SLC9A9: variants seen among roughly 807,000 people sequenced by gnomAD.
The protein encoded by SLC9A9 is sodium/hydrogen exchanger 9.
SLC9A9 carries 62 observed loss-of-function variants against 77.8 expected under a neutral mutation model. The observed-to-expected ratio is 0.80, with a 90% CI of 0.65 to 0.98. The LOEUF is 0.98. Among genes scored for constraint, SLC9A9 ranks in the 50% least tolerant of loss-of-function variants. The probability of loss-of-function intolerance (pLI) is 0.00; values close to 1 mark genes in which losing one functional copy is unlikely to be tolerated. For synonymous variants in SLC9A9, 320 were observed against 283.5 expected (o/e 1.13, Z -1.29); for missense variants, 775 against 774.9 (o/e 1.00, Z 0.00).
At chr3:143,823,107 T>C (rs1344515253) in intron 2 of SLC9A9, among the ~76,000 whole-genome samples, 1 of 152,168 alleles carries the variant, frequency 6.6e-6, no homozygotes, top group African/African-American at 2.4e-5. Context: ...CCTGGTTACA[T>C]CATCCATTCA....
At chr3:143,614,755 C>A (rs2038076805) in intron 6 of SLC9A9, among the ~76,000 whole-genome samples, 1 of 152,136 alleles carries the variant, frequency 6.6e-6, no homozygotes, top group Non-Finnish European at 1.5e-5. Flanking sequence ...TTTATGGTAA[C>A]CTTTTATGTA....
chr3:143,786,004 G>A (rs112762752), intron 4 of SLC9A9, among the ~76,000 whole-genome samples: 2 of 151,328 alleles, frequency 1.3e-5, no homozygotes, highest in East Asian at 3.9e-4. Context: ...CTACAGGCAC[G>A]CGCCACCATG....
At chr3:143,528,273 G>A (rs1459177215) in intron 9 of SLC9A9, among the ~76,000 whole-genome samples, 7 of 152,206 alleles carry the variant, frequency 4.6e-5, no homozygotes, top group Admixed American at 4.6e-4. Flanking sequence ...CAAAATGGAG[G>A]TAAGAATTAT....
intron 5 of SLC9A9, among the ~76,000 whole-genome samples, chr3:143,672,692 C>A (rs2039177561): frequency 6.6e-6 from 1 of 152,064 alleles, no homozygotes; most frequent in African/African-American, 2.4e-5. Context: ...GTGCAAATAA[C>A]AGAGAAGGAT....
intron 6 of SLC9A9, among the ~76,000 whole-genome samples, chr3:143,594,217 A>T (rs2108680978): frequency 6.6e-6 from 1 of 152,338 alleles, no homozygotes; most frequent in East Asian, 1.9e-4. Flanking sequence ...CTGAGTGATC[A>T]CCATGTGCAA....
At chr3:143,638,811 C>T (rs959406997) in intron 6 of SLC9A9, among the ~76,000 whole-genome samples, 5 of 152,200 alleles carry the variant, frequency 3.3e-5, no homozygotes, top group Non-Finnish European at 7.3e-5. Context: ...AATCAGATTC[C>T]CTAAGCATCC....
chr3:143,637,680 C>A (rs372822866), intron 6 of SLC9A9, among the ~76,000 whole-genome samples: 23 of 152,076 alleles, frequency 1.5e-4, no homozygotes, highest in African/African-American at 5.6e-4. Context: ...AAAATCTCAA[C>A]AGGTTTTTAT....
intron 5 of SLC9A9, among the ~76,000 whole-genome samples, chr3:143,667,335 A>T (rs1021626457): frequency 2.6e-5 from 4 of 152,236 alleles, no homozygotes; most frequent in African/African-American, 9.6e-5. Flanking sequence ...TTAATTCAAG[A>T]TGGATTAAAG....
intron 4 of SLC9A9, among the ~76,000 whole-genome samples, chr3:143,707,008 G>A (rs184205023): frequency 6.6e-6 from 1 of 152,266 alleles, no homozygotes; most frequent in Admixed American, 6.5e-5. Context: ...GGGGCAGTAG[G>A]AAGATGGAGA....
At chr3:143,454,318 C>T (rs2035052924) in intron 12 of SLC9A9, among the ~76,000 whole-genome samples, 1 of 152,136 alleles carries the variant, frequency 6.6e-6, no homozygotes, top group Non-Finnish European at 1.5e-5. Flanking sequence ...ATTCTCTGAA[C>T]AGTGTTTTGG....
At position 143,814,537 on chromosome 3, in the gene SLC9A9, C is replaced by A. The variant is rs1019216168; in HGVS notation, c.378+17482G>T. On this transcript the variant is annotated intron_variant, in intron 2 of 15. Transcript: ENST00000316549. ...GAGAAGGAGCTGCCACTCCTTCATG[C>A]AGGGCTGCCAGGTTTAGCAATCCAA... is the stretch of plus-strand genomic sequence containing the variant. Among the ~76,000 whole-genome samples, 4 of 152,132 alleles carry A rather than the reference C, an allele frequency of 2.6e-5. 1 individual carries two copies. The South Asian group carries it at 8.3e-4, about 31-fold the overall frequency.
intron 2 of SLC9A9, among the ~76,000 whole-genome samples, chr3:143,819,226 T>C (rs1349266116): frequency 6.6e-6 from 1 of 152,176 alleles, no homozygotes; most frequent in African/African-American, 2.4e-5. Flanking sequence ...TAGAATACCA[T>C]AAAGCTATAA....
intron 12 of SLC9A9, among the ~76,000 whole-genome samples, chr3:143,419,987 A>G (rs897957219): frequency 1.3e-5 from 2 of 152,150 alleles, no homozygotes; most frequent in East Asian, 3.8e-4. Flanking sequence ...TAAAAGTGAT[A>G]TTCTGAGTTC....
intron 2 of SLC9A9, among the ~76,000 whole-genome samples, chr3:143,803,975 A>C (rs2008640359): frequency 6.6e-6 from 1 of 152,166 alleles, no homozygotes; most frequent in East Asian, 1.9e-4. Context: ...ACTTACTTAA[A>C]AAACCTTTCT....
chr3:143,704,591 GA>G (rs1177988184), intron 4 of SLC9A9, among the ~76,000 whole-genome samples: 1 of 152,108 alleles, frequency 6.6e-6, no homozygotes, highest in Non-Finnish European at 1.5e-5. Context: ...ACAAATGAAA[GA>G]AAATCAGTAT....
At chr3:143,501,054 C>T (rs2035914651) in intron 9 of SLC9A9, among the ~76,000 whole-genome samples, 1 of 150,450 alleles carries the variant, frequency 6.6e-6, no homozygotes, top group Non-Finnish European at 1.5e-5. Flanking sequence ...AAGGAGAAAA[C>T]AAAACCTACT....
intron 4 of SLC9A9, among the ~76,000 whole-genome samples, chr3:143,731,626 G>A (rs1013678446): frequency 2.0e-5 from 3 of 152,140 alleles, no homozygotes; most frequent in Non-Finnish European, 2.9e-5. Flanking sequence ...ATTGAATGTA[G>A]TGCCCCGTGA....
At chr3:143,734,831 G>A (rs1934899294) in intron 4 of SLC9A9, among the ~76,000 whole-genome samples, 1 of 151,840 alleles carries the variant, frequency 6.6e-6, no homozygotes, top group South Asian at 2.1e-4. Flanking sequence ...GGTGAACTAA[G>A]GTCAAATAAC....
chr3:143,779,533 G>T (rs940380939), intron 4 of SLC9A9, among the ~76,000 whole-genome samples: 1 of 151,932 alleles, frequency 6.6e-6, no homozygotes, highest in Non-Finnish European at 1.5e-5. Context: ...CACATGCCTC[G>T]CCAATTTTTG....
Sources: gnomAD v4.1 joint callset for allele counts (sites outside exome capture counted in the v4.1 genomes callset) on GRCh38, gnomAD v4.1.1 for gene constraint, MANE v1.5 for transcripts, NCBI Gene and HGNC (gene_info 2026-07-23, HGNC 2026-07-21) for gene names.